Variants in HS3ST2 observed in about 807,000 individuals in gnomAD.
The protein encoded by HS3ST2 is heparan sulfate-glucosamine 3-sulfotransferase 2, also known as heparan sulfate glucosamine 3-O-sulfotransferase 2.
HS3ST2 carries 17 observed loss-of-function variants against 26.3 expected under a neutral mutation model. The ratio of observed to expected loss-of-function variants is 0.65; its 90% CI spans 0.44 to 0.97. The LOEUF (loss-of-function observed/expected upper bound fraction) is 0.97, where lower values mean the gene tolerates loss of function less well. Among genes scored for constraint, HS3ST2 ranks in the 50% least tolerant of loss-of-function variants. The pLI is 0.00. For synonymous variants in HS3ST2, 237 were observed against 219.2 expected, an observed-to-expected ratio of 1.08 and a Z score of -0.72; for missense variants, 402 against 501.2, an observed-to-expected ratio of 0.80 and a Z score of 1.89.
chr16:22,829,200 A>C (rs977249343), intron 1 of HS3ST2, among the ~76,000 whole-genome samples: 1 of 152,248 alleles, frequency 6.6e-6, no homozygotes, highest in African/African-American at 2.4e-5. Flanking sequence ...GCCAAGCTGC[A>C]GAGAGCTCCT....
intron 1 of HS3ST2, among the ~76,000 whole-genome samples, chr16:22,902,876 G>A (rs917488355): frequency 3.2e-4 from 48 of 151,810 alleles, no homozygotes; most frequent in Admixed American, 7.2e-4. Flanking sequence ...TCTTCTACTG[G>A]CTAGTTCTCC....
chr16:22,890,553 A>G (rs1193094137), intron 1 of HS3ST2, among the ~76,000 whole-genome samples: 1 of 152,224 alleles, frequency 6.6e-6, no homozygotes, highest in African/African-American at 2.4e-5. Context: ...AAAAACACAT[A>G]TATCTTTGTT....
chr16:22,871,868 T>C (rs577207242), intron 1 of HS3ST2, among the ~76,000 whole-genome samples: 1 of 152,116 alleles, frequency 6.6e-6, no homozygotes, highest in Admixed American at 6.5e-5. Context: ...CCAATATTGG[T>C]AGGGAAAGGA....
intron 1 of HS3ST2, chr16:22,833,345 T>G: frequency 4.4e-6 from 2 of 455,734 alleles, no homozygotes; most frequent in Non-Finnish European, 8.8e-6. Context: ...CTACCTGGAC[T>G]GGAGACAAGA....
chr16:22,843,701 A>G (rs1022923784), intron 1 of HS3ST2, among the ~76,000 whole-genome samples: 3 of 152,028 alleles, frequency 2.0e-5, no homozygotes, highest in Admixed American at 2.0e-4. Flanking sequence ...GCTCTTCTTC[A>G]CCTTCCTGTC....
intron 1 of HS3ST2, among the ~76,000 whole-genome samples, chr16:22,852,544 C>T (rs75756373): frequency 0.012 from 1,780 of 152,242 alleles, 16 homozygotes; most frequent in South Asian, 0.057. Flanking sequence ...AAGAAGGCAC[C>T]ACCTTGGACC....
At position 22,864,118 on chromosome 16, in the gene HS3ST2, C is replaced by G. The variant is rs903068453; in HGVS notation, c.485+49023C>G. 2.6e-5 allele frequency among the ~76,000 whole-genome samples: 4 copies of G among 152,182 alleles called. No individual in the cohort carries two copies. In the East Asian group the frequency reaches 7.7e-4, roughly 29 times the overall value. ...ATCTTTTGGATTCAGATCCTTTGAT[C>G]TGTGGTTTGACTGGCAGTCACCCAA... On this transcript the variant is annotated intron_variant, in intron 1 of 1. Transcript: ENST00000261374.
At chr16:22,866,599 G>A (rs1032690008) in intron 1 of HS3ST2, among the ~76,000 whole-genome samples, 11 of 151,816 alleles carry the variant, frequency 7.2e-5, no homozygotes, top group East Asian at 3.9e-4. Flanking sequence ...GCAAGACCCC[G>A]TCTCTACAAA....
At position 22,915,184 on chromosome 16, in the gene HS3ST2, C is replaced by G. The variant is rs962738693; in HGVS notation, c.726C>G (p.Asp242Glu). ...GCAACCGCACCCTGGGCCTGGTGGA[C>G]GTGTCATGGAACGCCATCCGCATCG... ...SFRNRTLGLV[D>E]VSWNAIRIGM... Residue 242 changes from aspartate to glutamate, a missense_variant, in exon 2 of 2, where the codon GAC (aspartate) becomes GAG (glutamate). Asp to Glu is a conservative substitution (Grantham distance 45). Around this residue, in one of 2 missense-constraint regions of HS3ST2, gnomAD observed 237 missense variants for 346.6 expected, o/e 0.68. Coordinates refer to ENST00000261374, the MANE Select transcript of HS3ST2 (RefSeq NM_006043.2). The G allele has an allele frequency of 5.0e-6, 8 of 1,614,112 alleles. No individual in the cohort carries two copies. The highest frequency in any genetic ancestry group is 3.3e-5 in the Admixed American group (2 of 60,022).
chr16:22,873,943 G>A (rs1901873742), intron 1 of HS3ST2, among the ~76,000 whole-genome samples: 1 of 152,172 alleles, frequency 6.6e-6, no homozygotes, highest in Admixed American at 6.5e-5. Flanking sequence ...CAGCAGGCTT[G>A]CCTGGGCTTA....
chr16:22,825,748 G>A (rs962952508), intron 1 of HS3ST2, among the ~76,000 whole-genome samples: 1 of 152,226 alleles, frequency 6.6e-6, no homozygotes. Context: ...TGGTTGCCGG[G>A]AGCGGGGGCT....
intron 1 of HS3ST2, among the ~76,000 whole-genome samples, chr16:22,881,464 C>G (rs1158400432): frequency 1.3e-5 from 2 of 152,202 alleles, no homozygotes; most frequent in African/African-American, 4.8e-5. Context: ...CATCTCCTCT[C>G]AGTCTCCAGA....
At chr16:22,874,432 C>A (rs1432319403) in intron 1 of HS3ST2, among the ~76,000 whole-genome samples, 1 of 152,182 alleles carries the variant, frequency 6.6e-6, no homozygotes, top group Non-Finnish European at 1.5e-5. Flanking sequence ...ATTGCACTAA[C>A]CAGGCTTCCA....
chr16:22,867,597 A>C (rs1451047560), intron 1 of HS3ST2, among the ~76,000 whole-genome samples: 2 of 152,252 alleles, frequency 1.3e-5, no homozygotes, highest in Non-Finnish European at 2.9e-5. Context: ...CAAATGGACA[A>C]TCAGCAAGTG....
intron 1 of HS3ST2, among the ~76,000 whole-genome samples, chr16:22,855,676 G>GTCTGTCTC (rs1217252221): frequency 1.6e-4 from 20 of 123,572 alleles, no homozygotes; most frequent in African/African-American, 2.9e-4. Flanking sequence ...CTTTCTCTCT[G>GTCTGTCTC]TCTGTCTCTC....
chr16:22,883,613 T>C lies in HS3ST2; in HGVS notation c.486-31331T>C, dbSNP rs886206023. On this transcript the variant is annotated intron_variant, in intron 1 of 1. Transcript: ENST00000261374. Reference sequence around the variant, plus strand: ...TTTTTGTTTTTTGTGGTTTTTTGGATTGAAGGCAAAATATTACACGATGGC... The same window carrying C: ...TTTTTGTTTTTTGTGGTTTTTTGGACTGAAGGCAAAATATTACACGATGGC... 2.0e-5 allele frequency among the ~76,000 whole-genome samples: 3 copies of C among 152,316 alleles called. No individual in the cohort carries two copies. The South Asian group carries it at 6.2e-4, about 32-fold the overall frequency.
At chr16:22,833,961 C>G (rs1901213080) in intron 1 of HS3ST2, among the ~76,000 whole-genome samples, 1 of 151,238 alleles carries the variant, frequency 6.6e-6, no homozygotes, top group African/African-American at 2.4e-5. Context: ...AAAACAAAAG[C>G]AAAGTAAAAA....
At chr16:22,847,614 T>C (rs558405252) in intron 1 of HS3ST2, among the ~76,000 whole-genome samples, 1 of 150,580 alleles carries the variant, frequency 6.6e-6, no homozygotes, top group Non-Finnish European at 1.5e-5. Flanking sequence ...GAGAGGGGAA[T>C]GGAAGAGAAG....
chr16:22,896,522 A>G (rs1902213026), intron 1 of HS3ST2, among the ~76,000 whole-genome samples: 1 of 152,226 alleles, frequency 6.6e-6, no homozygotes, highest in South Asian at 2.1e-4. Context: ...CAAGTTGCCT[A>G]TAACCACTCT....
Sources: allele counts gnomAD v4.1 joint callset (sites outside exome capture counted in the v4.1 genomes callset), GRCh38; gene constraint gnomAD v4.1.1; regional missense constraint gnomAD v4.1.1; transcripts MANE v1.5; gene names NCBI Gene and HGNC (gene_info 2026-07-23, HGNC 2026-07-21).